Variants in LRRC4C observed in about 807,000 individuals in gnomAD.
The protein encoded by LRRC4C is leucine rich repeat containing 4C, also known as leucine-rich repeat-containing protein 4C.
Under a neutral mutation model 33.6 loss-of-function variants are expected in LRRC4C, and 5 were observed. The ratio of observed to expected loss-of-function variants is 0.15; its 90% CI spans 0.08 to 0.31. The LOEUF is 0.31. Ranked by LOEUF, LRRC4C falls within the 10% of genes least tolerant of loss-of-function variation. LRRC4C has a pLI of 1.00. For missense variants in LRRC4C, 560 were observed against 796.7 expected (o/e 0.70, Z 3.58); for synonymous variants, 329 against 302.0 (o/e 1.09, Z -0.93).
chr11:40,378,377 A>T (rs965170010), intron 3 of LRRC4C, among the ~76,000 whole-genome samples: 1 of 152,028 alleles, frequency 6.6e-6, no homozygotes, highest in African/African-American at 2.4e-5. Context: ...CTGATCAAGA[A>T]TTCTCATTTC....
At chr11:40,395,802 T>C (rs1371680) in intron 3 of LRRC4C, among the ~76,000 whole-genome samples, 58,668 of 151,838 alleles carry the variant, frequency 0.39, 11,652 homozygotes, top group South Asian at 0.47. Flanking sequence ...GCCTGGCCAA[T>C]GTGTTGAAAC....
chr11:40,653,209 G>T (rs556896480), intron 2 of LRRC4C, among the ~76,000 whole-genome samples: 1 of 152,204 alleles, frequency 6.6e-6, no homozygotes, highest in African/African-American at 2.4e-5. Context: ...AAATATGGAA[G>T]TGACTTTGGA....
At chr11:40,552,916 A>T (rs1039949727) in intron 3 of LRRC4C, among the ~76,000 whole-genome samples, 1 of 152,198 alleles carries the variant, frequency 6.6e-6, no homozygotes, top group African/African-American at 2.4e-5. Context: ...TGAAAAATAG[A>T]GATCAAATAT....
chr11:40,533,011 A>C (rs948880430), intron 3 of LRRC4C, among the ~76,000 whole-genome samples: 1 of 152,070 alleles, frequency 6.6e-6, no homozygotes, highest in Non-Finnish European at 1.5e-5. Context: ...CTATCACGAG[A>C]ACAGCAAACC....
At chr11:41,190,677 T>C (rs11036281) in intron 1 of LRRC4C, among the ~76,000 whole-genome samples, 13,682 of 152,220 alleles carry the variant, frequency 0.09, 644 homozygotes, top group Middle Eastern at 0.14. Context: ...TACACTTGCA[T>C]ACACAAAAAT....
chr11:41,265,439 G>T (rs1396733075), intron 1 of LRRC4C, among the ~76,000 whole-genome samples: 1 of 152,080 alleles, frequency 6.6e-6, no homozygotes, highest in Non-Finnish European at 1.5e-5. Context: ...AAGAATAGGG[G>T]ACCTTAAGTC....
intron 1 of LRRC4C, among the ~76,000 whole-genome samples, chr11:40,980,475 C>A (rs993596865): frequency 8.5e-5 from 13 of 152,060 alleles, no homozygotes; most frequent in Admixed American, 8.5e-4. Context: ...AAATTGAGAC[C>A]TCCTAGCATA....
chr11:40,871,865 C>T (rs1004671979), intron 2 of LRRC4C, among the ~76,000 whole-genome samples: 2 of 152,126 alleles, frequency 1.3e-5, no homozygotes, highest in Non-Finnish European at 2.9e-5. Context: ...ACCTTCCTTG[C>T]CATGGATCTG....
chr11:41,035,597 C>G (rs1857017758), intron 1 of LRRC4C, among the ~76,000 whole-genome samples: 1 of 152,102 alleles, frequency 6.6e-6, no homozygotes, highest in South Asian at 2.1e-4. Flanking sequence ...TAAATGTGGA[C>G]TCTGGGGAGA....
At chr11:41,358,683 TA>T (rs1323962035) in intron 1 of LRRC4C, among the ~76,000 whole-genome samples, 1 of 152,106 alleles carries the variant, frequency 6.6e-6, no homozygotes, top group African/African-American at 2.4e-5. Flanking sequence ...CGATGAGATA[TA>T]ACTGCTCACT....
At chr11:41,395,111 T>C (rs118114264) in intron 1 of LRRC4C, among the ~76,000 whole-genome samples, 2,473 of 150,658 alleles carry the variant, frequency 0.016, 36 homozygotes, top group Non-Finnish European at 0.027. Flanking sequence ...AGCATTTTTC[T>C]GATGAAGCAG....
chr11:41,354,424 A>G (rs1030296174), intron 1 of LRRC4C, among the ~76,000 whole-genome samples: 3 of 152,168 alleles, frequency 2.0e-5, no homozygotes, highest in African/African-American at 7.2e-5. Flanking sequence ...GGAAAAATTG[A>G]TATTGTTAAA....
chr11:40,840,732 A>G (rs1952874642), intron 2 of LRRC4C, among the ~76,000 whole-genome samples: 3 of 152,186 alleles, frequency 2.0e-5, no homozygotes. Flanking sequence ...AAAGATTTAG[A>G]GAGTTTAGAA....
At chr11:41,356,467 A>G (rs914882525) in intron 1 of LRRC4C, among the ~76,000 whole-genome samples, 6 of 152,152 alleles carry the variant, frequency 3.9e-5, no homozygotes, top group Non-Finnish European at 7.4e-5. Flanking sequence ...CCACAGTGCC[A>G]TTGTGTAGGG....
chr11:41,374,756 A>C, intron 1 of LRRC4C, among the ~76,000 whole-genome samples: 1 of 152,162 alleles, frequency 6.6e-6, no homozygotes, highest in East Asian at 1.9e-4. Context: ...ATATTATTAA[A>C]ATTATGTAGG....
At chr11:41,267,574 C>T (rs1483341858) in intron 1 of LRRC4C, among the ~76,000 whole-genome samples, 1 of 152,126 alleles carries the variant, frequency 6.6e-6, no homozygotes. Context: ...AGACCTATTG[C>T]TACTAACAGC....
chr11:41,237,279 G>A (rs758578642), intron 1 of LRRC4C, among the ~76,000 whole-genome samples: 7 of 152,156 alleles, frequency 4.6e-5, no homozygotes, highest in Non-Finnish European at 8.8e-5. Context: ...TTCAGCTTAT[G>A]TATACCAACT....
intron 1 of LRRC4C, among the ~76,000 whole-genome samples, chr11:41,057,863 T>C (rs756393753): frequency 1.3e-5 from 2 of 152,128 alleles, no homozygotes. Flanking sequence ...CAGGATGAAT[T>C]GTGTAGCCGA....
At chr11:40,243,559 C>T (rs1380670659) in intron 4 of LRRC4C, among the ~76,000 whole-genome samples, 2 of 151,982 alleles carry the variant, frequency 1.3e-5, no homozygotes, top group African/African-American at 4.8e-5. Flanking sequence ...TTATTGAGAA[C>T]CCTCCATTTA....
Sources: gnomAD v4.1 joint callset for allele counts (sites outside exome capture counted in the v4.1 genomes callset) on GRCh38, gnomAD v4.1.1 for gene constraint, MANE v1.5 for transcripts, NCBI Gene and HGNC (gene_info 2026-07-23, HGNC 2026-07-21) for gene names.